DOK6: variants seen among roughly 807,000 people sequenced by gnomAD.
The protein encoded by DOK6 is downstream of tyrosine kinase 6.
DOK6 carries 22 observed loss-of-function variants against 44.0 expected under a neutral mutation model. That is an observed-to-expected ratio of 0.50 (90% CI 0.36 to 0.71). DOK6 has a LOEUF of 0.71. Among genes scored for constraint, DOK6 ranks in the 30% least tolerant of loss-of-function variants. The probability of loss-of-function intolerance (pLI) is 0.00; values close to 1 mark genes in which losing one functional copy is unlikely to be tolerated. For missense variants in DOK6, 340 were observed against 416.4 expected (o/e 0.82, Z 1.60); for synonymous variants, 166 against 145.5 (o/e 1.14, Z -1.01).
At chr18:69,435,887 A>G (rs2122433046) in intron 1 of DOK6, among the ~76,000 whole-genome samples, 1 of 151,996 alleles carries the variant, frequency 6.6e-6, no homozygotes, top group East Asian at 1.9e-4. Context: ...GCTTTTCTTT[A>G]GATGTATAAA....
At chr18:69,427,851 C>G (rs1237621511) in intron 1 of DOK6, among the ~76,000 whole-genome samples, 1 of 151,312 alleles carries the variant, frequency 6.6e-6, no homozygotes, top group Non-Finnish European at 1.5e-5. Context: ...GATCTCGGCT[C>G]ACTGCAACCT....
At chr18:69,831,652 G>A (rs1267252896) in intron 7 of DOK6, among the ~76,000 whole-genome samples, 1 of 152,092 alleles carries the variant, frequency 6.6e-6, no homozygotes, top group African/African-American at 2.4e-5. Context: ...CTGAATATGA[G>A]CCTGGACACC....
rs1320051259 is a variant in DOK6, at chr18:69,838,780, C to T, written c.857-2464C>T. Among the ~76,000 whole-genome samples the T allele has an allele frequency of 4.1e-5, 6 of 146,750 alleles. No homozygotes were observed. The East Asian group carries it at 6.3e-4, about 15-fold the overall frequency. On this transcript the variant is annotated intron_variant, in intron 7 of 7. Coordinates refer to ENST00000382713, the MANE Select transcript of DOK6 (RefSeq NM_152721.6). ...ATCTCCCCTAGCCCCTCCCCTAGAG[C>T]CTCCCCAGCTCCTCCCCCTTCCCTA...
intron 7 of DOK6, among the ~76,000 whole-genome samples, chr18:69,812,492 G>C (rs1456353303): frequency 6.6e-6 from 1 of 152,128 alleles, no homozygotes; most frequent in Non-Finnish European, 1.5e-5. Context: ...GCTGCTGTCA[G>C]CTCCCAAGGA....
chr18:69,447,454 G>A (rs1979329004), intron 1 of DOK6, among the ~76,000 whole-genome samples: 1 of 152,112 alleles, frequency 6.6e-6, no homozygotes, highest in Non-Finnish European at 1.5e-5. Context: ...TTTGGTTACT[G>A]TAGCCTTGTA....
chr18:69,557,248 T>C (rs909692885), intron 1 of DOK6, among the ~76,000 whole-genome samples: 1 of 152,202 alleles, frequency 6.6e-6, no homozygotes, highest in African/African-American at 2.4e-5. Flanking sequence ...TGAAAATTCT[T>C]CCGAGTTTCT....
intron 1 of DOK6, among the ~76,000 whole-genome samples, chr18:69,435,815 C>T (rs555456462): frequency 6.6e-6 from 1 of 151,368 alleles, no homozygotes; most frequent in East Asian, 1.9e-4. Flanking sequence ...GTTATATTTC[C>T]CCCTCCCTCT....
chr18:69,795,930 G>C (rs1980731540), intron 7 of DOK6, among the ~76,000 whole-genome samples: 1 of 152,198 alleles, frequency 6.6e-6, no homozygotes, highest in African/African-American at 2.4e-5. Flanking sequence ...TAGGGAAAGA[G>C]CCAGCCACTG....
intron 6 of DOK6, among the ~76,000 whole-genome samples, chr18:69,750,251 G>C (rs1979132551): frequency 6.6e-6 from 1 of 151,884 alleles, no homozygotes; most frequent in Non-Finnish European, 1.5e-5. Flanking sequence ...CTAGAAGATG[G>C]AGGTGAGGTT....
chr18:69,808,343 T>C (rs1414326645), intron 7 of DOK6, among the ~76,000 whole-genome samples: 1 of 151,488 alleles, frequency 6.6e-6, no homozygotes, highest in Admixed American at 6.6e-5. Flanking sequence ...AGAAGAAATG[T>C]TTCAAACAAC....
chr18:69,704,326 G>A (rs572301521), intron 5 of DOK6, among the ~76,000 whole-genome samples: 10 of 152,168 alleles, frequency 6.6e-5, no homozygotes, highest in Middle Eastern at 3.4e-3. Context: ...TCTGATGAGC[G>A]AAGATCCCTT....
intron 1 of DOK6, 82 bp downstream of exon 1, chr18:69,401,392 A>C: frequency 7.3e-7 from 1 of 1,376,956 alleles, no homozygotes; most frequent in African/African-American, 1.5e-5. Context: ...GGGAGAGGTG[A>C]CCCGTGCGGG....
At chr18:69,756,160 A>C (rs1229781633) in intron 6 of DOK6, among the ~76,000 whole-genome samples, 5 of 152,188 alleles carry the variant, frequency 3.3e-5, no homozygotes, top group African/African-American at 1.2e-4. Flanking sequence ...GGTGGGTCAG[A>C]GGTTCCCCGG....
intron 2 of DOK6, among the ~76,000 whole-genome samples, chr18:69,572,736 T>C (rs1260809923): frequency 1.3e-5 from 2 of 151,968 alleles, no homozygotes; most frequent in African/African-American, 4.8e-5. Flanking sequence ...AAGAGAAAAC[T>C]ATTTATAAAG....
chr18:69,634,520 G>A (rs1246497760), intron 3 of DOK6, among the ~76,000 whole-genome samples: 1 of 152,196 alleles, frequency 6.6e-6, no homozygotes, highest in African/African-American at 2.4e-5. Context: ...AAGTGAATTA[G>A]ATAAGATGAT....
intron 1 of DOK6, among the ~76,000 whole-genome samples, chr18:69,427,625 A>G (rs1490358025): frequency 6.6e-6 from 1 of 152,210 alleles, no homozygotes. Context: ...GAAGGAATAC[A>G]ACTCATTCTA....
chr18:69,751,810 C>G (rs528281558), intron 6 of DOK6, among the ~76,000 whole-genome samples: 3 of 151,760 alleles, frequency 2.0e-5, no homozygotes, highest in Non-Finnish European at 4.4e-5. Context: ...TCCAGAGCAG[C>G]CTGGGCAACA....
chr18:69,457,872 G>A (rs548267216), intron 1 of DOK6, among the ~76,000 whole-genome samples: 77 of 152,220 alleles, frequency 5.1e-4, no homozygotes, highest in Non-Finnish European at 9.0e-4. Context: ...TGCCAGGCGT[G>A]GTGGCTCACG....
At chr18:69,496,452 C>T (rs114119425) in intron 1 of DOK6, among the ~76,000 whole-genome samples, 12,323 of 152,290 alleles carry the variant, frequency 0.081, 1,647 homozygotes, top group African/African-American at 0.28. Context: ...TGATGGCAGC[C>T]GTGGCTCCAG....
Sources: gnomAD v4.1 joint callset for allele counts (sites outside exome capture counted in the v4.1 genomes callset) on GRCh38, gnomAD v4.1.1 for gene constraint, MANE v1.5 for transcripts, NCBI Gene and HGNC (gene_info 2026-07-23, HGNC 2026-07-21) for gene names.